CTNNA3: variants seen among roughly 807,000 people sequenced by gnomAD.
CTNNA3 encodes the protein catenin alpha 3.
Under a neutral mutation model 95.7 loss-of-function variants are expected in CTNNA3, and 76 were observed. The ratio of observed to expected loss-of-function variants is 0.79; its 90% CI spans 0.66 to 0.96. The LOEUF is 0.96. CTNNA3 is among the 40% of genes least tolerant of loss of function. The probability of loss-of-function intolerance (pLI) is 0.00; values close to 1 mark genes in which losing one functional copy is unlikely to be tolerated. For synonymous variants in CTNNA3, 431 were observed against 374.4 expected, an observed-to-expected ratio of 1.15 and a Z score of -1.74; for missense variants, 1,191 against 1,089.8, an observed-to-expected ratio of 1.09 and a Z score of -1.31.
chr10:66,358,521 T>C (rs1316240770), intron 12 of CTNNA3, among the ~76,000 whole-genome samples: 1 of 152,142 alleles, frequency 6.6e-6, no homozygotes, highest in Non-Finnish European at 1.5e-5. Flanking sequence ...GTATACTTAC[T>C]CCATTTTTAA....
At chr10:66,570,209 C>T (rs1376295078) in intron 10 of CTNNA3, among the ~76,000 whole-genome samples, 1 of 152,126 alleles carries the variant, frequency 6.6e-6, no homozygotes, top group Admixed American at 6.5e-5. Flanking sequence ...ACCCCTGAGA[C>T]CTAAATCCCA....
intron 7 of CTNNA3, among the ~76,000 whole-genome samples, chr10:66,829,354 T>C (rs1842628906): frequency 6.6e-6 from 1 of 152,176 alleles, no homozygotes. Context: ...CTCATACCTG[T>C]AATGCCAGCA....
At chr10:67,301,528 A>G (rs542664440) in intron 5 of CTNNA3, among the ~76,000 whole-genome samples, 5 of 152,326 alleles carry the variant, frequency 3.3e-5, no homozygotes, top group East Asian at 1.9e-4. Flanking sequence ...TGAAATCAGC[A>G]TGTCAAAGAA....
At chr10:67,413,301 T>A (rs533075447) in intron 5 of CTNNA3, among the ~76,000 whole-genome samples, 1 of 148,626 alleles carries the variant, frequency 6.7e-6, no homozygotes, top group African/African-American at 2.5e-5. Flanking sequence ...CATTCATTCA[T>A]TCATCAGATA....
chr10:67,349,996 A>G (rs958661780), intron 5 of CTNNA3, among the ~76,000 whole-genome samples: 1 of 152,172 alleles, frequency 6.6e-6, no homozygotes, highest in South Asian at 2.1e-4. Flanking sequence ...ATGAACTGTG[A>G]CAGACAAGGC....
At chr10:66,774,714 G>C (rs952420389) in intron 8 of CTNNA3, among the ~76,000 whole-genome samples, 33 of 152,154 alleles carry the variant, frequency 2.2e-4, no homozygotes, top group African/African-American at 8.0e-4. Context: ...TGATGACCAA[G>C]TGAAAGTTCT....
intron 7 of CTNNA3, chr10:67,097,675 A>C: frequency 6.2e-7 from 1 of 1,612,780 alleles, no homozygotes. Context: ...CTTCTCTCCC[A>C]TAAGTCCTTT....
chr10:67,667,396 T>A (rs1186086172), intron 1 of CTNNA3, among the ~76,000 whole-genome samples: 2 of 152,152 alleles, frequency 1.3e-5, no homozygotes, highest in Non-Finnish European at 2.9e-5. Flanking sequence ...AGATAAAAAA[T>A]TTTCTGTTTC....
At chr10:66,601,306 A>C (rs1324919313) in intron 10 of CTNNA3, among the ~76,000 whole-genome samples, 1 of 151,984 alleles carries the variant, frequency 6.6e-6, no homozygotes, top group African/African-American at 2.4e-5. Context: ...TTTGTGAGAT[A>C]TCTAACTCAT....
chr10:66,045,517 T>G lies in CTNNA3; in HGVS notation c.2159+23791A>C, dbSNP rs139649679. Among the ~76,000 whole-genome samples, 39 of 152,350 alleles carry G rather than the reference T, an allele frequency of 2.6e-4. No individual in the cohort carries two copies. The East Asian group carries it at 7.1e-3, about 28-fold the overall frequency. On this transcript the variant is annotated intron_variant, in intron 15 of 17. Coordinates refer to ENST00000433211, the MANE Select transcript of CTNNA3 (RefSeq NM_013266.4). Reference sequence around the variant, plus strand: ...TCTATGTAGAAATATATTTATTTACTTTGATTTTGGTATCTCTAGTGGCAT... The same window carrying G: ...TCTATGTAGAAATATATTTATTTACGTTGATTTTGGTATCTCTAGTGGCAT...
At chr10:66,022,329 G>T (rs1022868082) in intron 15 of CTNNA3, among the ~76,000 whole-genome samples, 2 of 152,064 alleles carry the variant, frequency 1.3e-5, no homozygotes, top group Admixed American at 6.6e-5. Flanking sequence ...TTTCAAAAAT[G>T]AATGATGTAT....
chr10:66,174,055 C>T (rs2085576368), intron 13 of CTNNA3, among the ~76,000 whole-genome samples: 1 of 152,128 alleles, frequency 6.6e-6, no homozygotes, highest in Non-Finnish European at 1.5e-5. Context: ...TACATTACTT[C>T]ATTTAGTACC....
intron 10 of CTNNA3, among the ~76,000 whole-genome samples, chr10:66,536,481 CAAA>C (rs10676331): frequency 1.7e-5 from 2 of 116,194 alleles, no homozygotes; most frequent in East Asian, 3.4e-4. Context: ...GACTCTGTCT[CAAA>C]AAAAAAAAAA....
chr10:67,622,608 C>T, intron 2 of CTNNA3, among the ~76,000 whole-genome samples: 1 of 152,172 alleles, frequency 6.6e-6, no homozygotes, highest in Admixed American at 6.5e-5. Flanking sequence ...TCCTTGTATC[C>T]TTGCCATGCA....
chr10:66,060,743 A>C (rs1355796863), intron 15 of CTNNA3, among the ~76,000 whole-genome samples: 1 of 152,070 alleles, frequency 6.6e-6, no homozygotes, highest in Non-Finnish European at 1.5e-5. Context: ...ATAATTCCAG[A>C]TATTATTCTC....
At chr10:67,633,379 G>A (rs1839208220) in intron 2 of CTNNA3, among the ~76,000 whole-genome samples, 1 of 152,172 alleles carries the variant, frequency 6.6e-6, no homozygotes, top group African/African-American at 2.4e-5. Flanking sequence ...CAGCATATCT[G>A]CTCCACCAGA....
chr10:66,236,836 C>CA (rs2089875885), intron 13 of CTNNA3, among the ~76,000 whole-genome samples: 1 of 144,938 alleles, frequency 6.9e-6, no homozygotes, highest in Non-Finnish European at 1.5e-5. Flanking sequence ...CAAATACAGC[C>CA]AGGCATGGTG....
chr10:66,148,232 T>C (rs2083999331), intron 13 of CTNNA3, among the ~76,000 whole-genome samples: 1 of 152,112 alleles, frequency 6.6e-6, no homozygotes, highest in African/African-American at 2.4e-5. Flanking sequence ...TTTTTGTTCT[T>C]TTACTCTGTT....
chr10:67,437,711 G>A (rs982719496), intron 5 of CTNNA3, among the ~76,000 whole-genome samples: 1 of 151,796 alleles, frequency 6.6e-6, no homozygotes, highest in African/African-American at 2.4e-5. Flanking sequence ...TATTTTTAAG[G>A]TTGATGTGGT....
Sources: allele counts gnomAD v4.1 joint callset (sites outside exome capture counted in the v4.1 genomes callset), GRCh38; gene constraint gnomAD v4.1.1; transcripts MANE v1.5; gene names NCBI Gene and HGNC (gene_info 2026-07-23, HGNC 2026-07-21).